The following PCNX2 variants were observed in gnomAD, a reference collection of about 807,000 sequenced individuals.
PCNX2 encodes pecanex-like protein 2.
A neutral mutation model predicts 223.8 loss-of-function variants in PCNX2; 168 were observed. The ratio of observed to expected loss-of-function variants is 0.75; its 90% CI spans 0.66 to 0.85. The LOEUF (loss-of-function observed/expected upper bound fraction) is 0.85, where lower values mean the gene tolerates loss of function less well. PCNX2 is among the 40% of genes least tolerant of loss of function. The pLI is 0.00. For missense variants in PCNX2, 2,507 were observed against 2,675.5 expected, an observed-to-expected ratio of 0.94 and a Z score of 1.39; for synonymous variants, 1,006 against 1,052.6, an observed-to-expected ratio of 0.96 and a Z score of 0.86.
chr1:233,132,704 G>A (rs1045209470), intron 21 of PCNX2, among the ~76,000 whole-genome samples: 2 of 151,996 alleles, frequency 1.3e-5, no homozygotes, highest in African/African-American at 2.4e-5. Context: ...TTAAAAACAC[G>A]ACCTTCTATT....
At chr1:233,137,467 G>A (rs779161132) in intron 20 of PCNX2, among the ~76,000 whole-genome samples, 2 of 152,202 alleles carry the variant, frequency 1.3e-5, no homozygotes, top group Non-Finnish European at 2.9e-5. Context: ...CTAAATGTAT[G>A]TATCATTCAC....
At chr1:233,022,299 T>C (rs1217192619) in intron 26 of PCNX2, among the ~76,000 whole-genome samples, 1 of 152,162 alleles carries the variant, frequency 6.6e-6, no homozygotes, top group Non-Finnish European at 1.5e-5. Flanking sequence ...AATTGGGCCA[T>C]GCAATAAACA....
chr1:233,240,623 G>A (rs996554990), intron 8 of PCNX2, among the ~76,000 whole-genome samples: 4 of 152,184 alleles, frequency 2.6e-5, no homozygotes, highest in African/African-American at 9.7e-5. Flanking sequence ...CTATAGCAGA[G>A]ATAAGTTTAT....
In PCNX2 at chr1:233,025,260, C is replaced by T. The variant is rs781760806; in HGVS notation, c.4491G>A (p.Trp1497Ter). 6.2e-7 allele frequency: 1 copy of T among 1,613,982 alleles called. No homozygotes were observed. The highest frequency in any genetic ancestry group is 8.5e-7 in the Non-Finnish European group (1 of 1,179,884). ...NAAFHLRWLT[W>*]EITQTQYILE... Reference sequence around the variant, plus strand: ...GGATGTACTGGGTCTGCGTGATTTCCCAGGTGAGCCAGCGGAGGTGAAAGG... The same window carrying T: ...GGATGTACTGGGTCTGCGTGATTTCTCAGGTGAGCCAGCGGAGGTGAAAGG... Residue 1497 changes from tryptophan (W) to a stop codon, truncating the protein, a stop_gained, in exon 26 of 34, where the codon TGG (tryptophan) becomes TGA (stop). Coordinates refer to ENST00000258229, the MANE Select transcript of PCNX2 (RefSeq NM_014801.4). LOFTEE classifies it high-confidence loss of function.
chr1:233,089,811 T>G (rs1673779335), intron 23 of PCNX2: 1 of 1,181,140 alleles, frequency 8.5e-7, no homozygotes, highest in Non-Finnish European at 1.1e-6. Context: ...TAACTCACTT[T>G]TCCTTCACAA....
At chr1:233,116,445 T>C (rs1231196761) in intron 21 of PCNX2, among the ~76,000 whole-genome samples, 3 of 151,544 alleles carry the variant, frequency 2.0e-5, no homozygotes, top group African/African-American at 7.3e-5. Context: ...AGAAATGAAA[T>C]CATACAGTGT....
chr1:233,092,893 G>C (rs1673944990), intron 22 of PCNX2, among the ~76,000 whole-genome samples: 1 of 152,178 alleles, frequency 6.6e-6, no homozygotes, highest in Non-Finnish European at 1.5e-5. Context: ...CCGCCTCCCA[G>C]GTTCAAGCGA....
chr1:233,044,613 T>C (rs943957310), intron 25 of PCNX2, among the ~76,000 whole-genome samples: 60 of 152,054 alleles, frequency 3.9e-4, no homozygotes, highest in African/African-American at 1.4e-3. Flanking sequence ...ATTTCTATTC[T>C]GGAATATATG....
chr1:233,112,791 A>G, intron 21 of PCNX2: 1 of 1,198,460 alleles, frequency 8.3e-7, no homozygotes, highest in Non-Finnish European at 1.1e-6. Flanking sequence ...AAAAATTTTA[A>G]GTCTTACATG....
chr1:233,322,048 G>A, the PCNX2 span, among the ~76,000 whole-genome samples: 1 of 152,084 alleles, frequency 6.6e-6, no homozygotes, highest in Non-Finnish European at 1.5e-5. Context: ...AACAGAAGGT[G>A]GTTCTTAAGG....
intron 17 of PCNX2, among the ~76,000 whole-genome samples, chr1:233,163,259 G>A (rs1032652320): frequency 6.6e-6 from 1 of 152,056 alleles, no homozygotes. Context: ...GCCAAGACAG[G>A]TGGATCACTT....
intron 17 of PCNX2, among the ~76,000 whole-genome samples, chr1:233,175,280 C>T (rs1400277073): frequency 1.3e-5 from 2 of 152,138 alleles, no homozygotes; most frequent in African/African-American, 2.4e-5. Flanking sequence ...GAGAAATGAA[C>T]ACAAACATCT....
intron 17 of PCNX2, chr1:233,167,614 A>C: frequency 1.8e-6 from 1 of 541,512 alleles, no homozygotes; most frequent in Non-Finnish European, 2.4e-6. Context: ...TGGATATGTT[A>C]ACTTACTTCA....
At chr1:233,231,581 T>C in intron 9 of PCNX2, 4 of 917,014 alleles carry the variant, frequency 4.4e-6, no homozygotes, top group Non-Finnish European at 5.2e-6. Context: ...TGAAAATAAT[T>C]AGAGGTTCTC....
chr1:233,000,024 C>G lies in PCNX2; in HGVS notation c.5328+281G>C, dbSNP rs1395199772. Among the ~76,000 whole-genome samples, 2 of 152,226 alleles carry G rather than the reference C, an allele frequency of 1.3e-5. No homozygotes were observed. The highest frequency in any genetic ancestry group is 2.9e-5 in the Non-Finnish European group (2 of 68,034). ...TTTACAAATAAGCTATATCCTGACT[C>G]TCACTTACATGTGTGTCTACTGGGT... On this transcript the variant is annotated intron_variant, in intron 30 of 33. Transcript: ENST00000258229. This position sits in a 1 kb window ranked among gnomAD's most constrained non-coding sequence, Gnocchi z 4.6.
At chr1:233,215,809 G>A (rs891920009) in intron 12 of PCNX2, among the ~76,000 whole-genome samples, 13 of 152,146 alleles carry the variant, frequency 8.5e-5, no homozygotes, top group African/African-American at 2.9e-4. Flanking sequence ...GATTTCTGAC[G>A]ATAATCACAA....
intron 20 of PCNX2, among the ~76,000 whole-genome samples, chr1:233,136,987 G>A (rs1319462057): frequency 6.6e-6 from 1 of 152,196 alleles, no homozygotes; most frequent in Non-Finnish European, 1.5e-5. Context: ...GGTTCAAACT[G>A]TGGGAGATCT....
intron 21 of PCNX2, among the ~76,000 whole-genome samples, chr1:233,105,487 A>G (rs67313126): frequency 0.17 from 26,128 of 152,168 alleles, 2,333 homozygotes; most frequent in East Asian, 0.25. Context: ...GAGGCATTAA[A>G]CAAGATGAAT....
chr1:232,996,157 C>A (rs372260986), intron 32 of PCNX2, among the ~76,000 whole-genome samples: 3 of 152,152 alleles, frequency 2.0e-5, no homozygotes, highest in Non-Finnish European at 2.9e-5. Flanking sequence ...CCACAGCACC[C>A]GGCCTCCAAT....
Sources: allele counts gnomAD v4.1 joint callset (sites outside exome capture counted in the v4.1 genomes callset), GRCh38; gene constraint gnomAD v4.1.1; non-coding constraint Gnocchi (gnomAD v3.1); transcripts MANE v1.5; gene names NCBI Gene and HGNC (gene_info 2026-07-23, HGNC 2026-07-21).